The following CRB1 variants were observed in gnomAD, a reference collection of about 807,000 sequenced individuals.
CRB1 encodes crumbs cell polarity complex component 1, also known as protein crumbs homolog 1.
CRB1 carries 83 observed loss-of-function variants against 120.0 expected under a neutral mutation model. That is an observed-to-expected ratio of 0.69 (90% CI 0.58 to 0.83). The LOEUF is 0.83. Among genes scored for constraint, CRB1 ranks in the 40% least tolerant of loss-of-function variants. The pLI, the probability that CRB1 is intolerant of heterozygous loss-of-function variation, is 0.00. For missense variants in CRB1, 1,699 were observed against 1,687.6 expected (o/e 1.01, Z -0.12); for synonymous variants, 625 against 612.5 (o/e 1.02, Z -0.30).
the CRB1 span, among the ~76,000 whole-genome samples, chr1:197,211,857 A>G: frequency 6.6e-6 from 1 of 152,100 alleles, no homozygotes; most frequent in Non-Finnish European, 1.5e-5. Flanking sequence ...CAGGCCACAC[A>G]TTGGTGAAAG....
chr1:197,352,930 G>A (rs1558074204), intron 4 of CRB1, among the ~76,000 whole-genome samples: 1 of 152,046 alleles, frequency 6.6e-6, no homozygotes, highest in Non-Finnish European at 1.5e-5. Flanking sequence ...GCTAAACTAG[G>A]ATTATAATCT....
the CRB1 span, among the ~76,000 whole-genome samples, chr1:197,259,973 G>GC: frequency 1.3e-5 from 2 of 150,110 alleles, no homozygotes; most frequent in African/African-American, 2.5e-5. Context: ...ACATAGTGAG[G>GC]CCCCATGTCT....
chr1:197,289,743 G>A (rs1310623194), intron 1 of CRB1, among the ~76,000 whole-genome samples: 2 of 151,402 alleles, frequency 1.3e-5, no homozygotes, highest in Admixed American at 6.6e-5. Flanking sequence ...GCTCTAATTT[G>A]TTGATTTAGT....
the CRB1 span, among the ~76,000 whole-genome samples, chr1:197,262,681 C>A: frequency 1.4e-3 from 211 of 151,946 alleles, 1 homozygote; most frequent in African/African-American, 4.9e-3. Flanking sequence ...CCCTTCACCC[C>A]CTTCTTCTTA....
intron 1 of CRB1, among the ~76,000 whole-genome samples, chr1:197,272,345 C>G (rs1217566164): frequency 2.0e-5 from 3 of 152,124 alleles, no homozygotes; most frequent in African/African-American, 7.2e-5. Context: ...AAAATCATCA[C>G]TACTCCATGA....
upstream of CRB1, among the ~76,000 whole-genome samples, chr1:197,264,401 C>A (rs887027988): frequency 6.6e-6 from 1 of 152,084 alleles, no homozygotes; most frequent in Non-Finnish European, 1.5e-5. Context: ...AGTTCTATAT[C>A]TTTGCTGTTG....
intron 1 of CRB1, among the ~76,000 whole-genome samples, chr1:197,291,496 T>C (rs1656180976): frequency 6.6e-6 from 1 of 151,862 alleles, no homozygotes; most frequent in South Asian, 2.1e-4. Flanking sequence ...CAAATTACTG[T>C]TCATGATAAA....
At chr1:197,380,349 T>A (rs1661888219) in intron 5 of CRB1, among the ~76,000 whole-genome samples, 1 of 152,218 alleles carries the variant, frequency 6.6e-6, no homozygotes, top group African/African-American at 2.4e-5. Flanking sequence ...TCAAATGCCC[T>A]TGAAATTCTA....
At chr1:197,318,275 C>G (rs1237299401) in intron 1 of CRB1, among the ~76,000 whole-genome samples, 2 of 152,036 alleles carry the variant, frequency 1.3e-5, no homozygotes, top group Non-Finnish European at 2.9e-5. Flanking sequence ...CAGGGAAAGG[C>G]AAATCAAGAT....
At position 197,316,103 on chromosome 1, in the gene CRB1, C is replaced by T. The variant is rs371836465; in HGVS notation, c.71-12319C>T. ...TTCACTAGGGGACAGGGGTTTTAAA[C>T]ATCATTGCCATCATCATTCTTGCAT... On this transcript the variant is annotated intron_variant, in intron 1 of 11. Coordinates refer to ENST00000367400, the MANE Select transcript of CRB1 (RefSeq NM_201253.3). Among the ~76,000 whole-genome samples, 8 of 152,160 alleles carry T rather than the reference C, an allele frequency of 5.3e-5. No individual in the cohort carries two copies. The East Asian group carries it at 9.6e-4, about 18-fold the overall frequency.
intron 11 of CRB1, among the ~76,000 whole-genome samples, chr1:197,462,888 C>CTTT (rs66833712): frequency 6.8e-6 from 1 of 147,592 alleles, no homozygotes; most frequent in Non-Finnish European, 1.5e-5. Flanking sequence ...CAATGCAGAT[C>CTTT]TTTTTTTTTT....
intron 1 of CRB1, among the ~76,000 whole-genome samples, chr1:197,279,278 C>A (rs960014526): frequency 6.6e-6 from 1 of 151,722 alleles, no homozygotes; most frequent in Admixed American, 6.6e-5. Flanking sequence ...TTTTATATAT[C>A]AATGCCTGAA....
the CRB1 span, among the ~76,000 whole-genome samples, chr1:197,262,601 A>C: frequency 2.0e-5 from 3 of 152,128 alleles, no homozygotes; most frequent in South Asian, 6.2e-4. Flanking sequence ...ATTGTGTGAC[A>C]CTGAGGTTTG....
chr1:197,293,318 T>C (rs1254188318), intron 1 of CRB1, among the ~76,000 whole-genome samples: 1 of 151,872 alleles, frequency 6.6e-6, no homozygotes, highest in Non-Finnish European at 1.5e-5. Context: ...CACAATTGCT[T>C]CAAAGAGAAT....
intron 11 of CRB1, among the ~76,000 whole-genome samples, chr1:197,460,384 T>C (rs1666475511): frequency 6.6e-6 from 1 of 152,106 alleles, no homozygotes; most frequent in South Asian, 2.1e-4. Context: ...TGCAATCTAT[T>C]TTCAGAGCTA....
the CRB1 span, among the ~76,000 whole-genome samples, chr1:197,209,347 T>C: frequency 1.3e-5 from 2 of 151,972 alleles, no homozygotes; most frequent in African/African-American, 4.8e-5. Context: ...TTTGTTTTGT[T>C]TTGTTTTGTT....
chr1:197,348,898 G>T (rs190300839), intron 4 of CRB1, among the ~76,000 whole-genome samples: 27 of 135,172 alleles, frequency 2.0e-4, no homozygotes, highest in African/African-American at 6.4e-4. Context: ...GTACACTAAG[G>T]TTAGTTTTTA....
chr1:197,284,810 T>TA (rs1655729752), intron 1 of CRB1, among the ~76,000 whole-genome samples: 1 of 147,994 alleles, frequency 6.8e-6, no homozygotes, highest in African/African-American at 2.7e-5. Context: ...ATATTGTAAT[T>TA]TAAAAAAATA....
chr1:197,447,719 T>A (rs867682896), intron 11 of CRB1, among the ~76,000 whole-genome samples: 40 of 152,034 alleles, frequency 2.6e-4, no homozygotes, highest in Admixed American at 8.5e-4. Flanking sequence ...TAGTTTGGCA[T>A]GTGCCTGTAG....
Sources: allele counts gnomAD v4.1 joint callset (sites outside exome capture counted in the v4.1 genomes callset), GRCh38; gene constraint gnomAD v4.1.1; transcripts MANE v1.5; gene names NCBI Gene and HGNC (gene_info 2026-07-23, HGNC 2026-07-21).